TEC: variants seen among roughly 807,000 people sequenced by gnomAD.
The protein encoded by TEC is tyrosine-protein kinase Tec.
Under a neutral mutation model 93.0 loss-of-function variants are expected in TEC, and 72 were observed. The ratio of observed to expected loss-of-function variants is 0.77; its 90% CI spans 0.64 to 0.94. TEC has a LOEUF of 0.94. TEC is among the 40% of genes least tolerant of loss of function. The pLI, the probability that TEC is intolerant of heterozygous loss-of-function variation, is 0.00. For synonymous variants in TEC, 249 were observed against 247.7 expected (o/e 1.01, Z -0.05); for missense variants, 630 against 757.9 (o/e 0.83, Z 1.98).
intron 9 of TEC, chr4:48,153,596 TACTG>T (rs1720268922): frequency 6.6e-6 from 1 of 152,200 alleles, no homozygotes; most frequent in African/African-American, 2.4e-5. Context: ...ATTTATATTC[TACTG>T]CTCAAAGTCA....
intron 1 of TEC, among the ~76,000 whole-genome samples, chr4:48,251,409 C>A (rs1269737347): frequency 2.0e-5 from 3 of 152,188 alleles, no homozygotes; most frequent in Non-Finnish European, 2.9e-5. Flanking sequence ...AAAAGACCTT[C>A]CTTTGACTAC....
intron 2 of TEC, among the ~76,000 whole-genome samples, chr4:48,184,927 G>A (rs1208548749): frequency 1.3e-5 from 2 of 152,060 alleles, no homozygotes; most frequent in African/African-American, 2.4e-5. Context: ...ATTCCCTCAC[G>A]ACAATTTGTA....
At chr4:48,199,911 A>G (rs1172479430) in intron 2 of TEC, among the ~76,000 whole-genome samples, 1 of 152,116 alleles carries the variant, frequency 6.6e-6, no homozygotes, top group Non-Finnish European at 1.5e-5. Flanking sequence ...CCCCATAACA[A>G]CCCTCTGAAG....
At chr4:48,258,546 A>G (rs886427126) in intron 1 of TEC, among the ~76,000 whole-genome samples, 4 of 152,172 alleles carry the variant, frequency 2.6e-5, no homozygotes, top group African/African-American at 9.7e-5. Flanking sequence ...TCCCTCTTGT[A>G]TGTAATTTAT....
intron 1 of TEC, among the ~76,000 whole-genome samples, chr4:48,255,466 C>T (rs1440189379): frequency 2.6e-5 from 4 of 152,086 alleles, no homozygotes; most frequent in African/African-American, 2.4e-5. Flanking sequence ...TCAACTCCAC[C>T]CAAACCACAT....
At chr4:48,262,500 A>AT (rs1694332132) in intron 1 of TEC, among the ~76,000 whole-genome samples, 1 of 151,930 alleles carries the variant, frequency 6.6e-6, no homozygotes, top group East Asian at 1.9e-4. Context: ...CTTGGCCCAA[A>AT]TATCATTTTT....
chr4:48,186,724 G>A (rs1428326473), intron 2 of TEC, among the ~76,000 whole-genome samples: 1 of 151,700 alleles, frequency 6.6e-6, no homozygotes, highest in Non-Finnish European at 1.5e-5. Flanking sequence ...GGAGGTGGGG[G>A]GCAGCCCCCG....
intron 1 of TEC, among the ~76,000 whole-genome samples, chr4:48,254,129 C>T (rs767385521): frequency 5.9e-5 from 9 of 152,136 alleles, no homozygotes; most frequent in Non-Finnish European, 1.3e-4. Context: ...CCCATTAACC[C>T]CAAGACAACT....
At chr4:48,171,863 C>A (rs4695339) in intron 3 of TEC, among the ~76,000 whole-genome samples, 1 of 152,036 alleles carries the variant, frequency 6.6e-6, no homozygotes, top group Non-Finnish European at 1.5e-5. Context: ...GATTAAGCAC[C>A]GACTACGCCA....
Position 48,137,272 on chromosome 4 carries a change from G to C in TEC, c.*144C>G, listed in dbSNP as rs572492034. 3.2e-6 allele frequency: 2 copies of C among 632,042 alleles called. No homozygotes were observed. The highest frequency in any genetic ancestry group is 4.0e-5 in the South Asian group (2 of 49,584). The allele number at this position is 632,042 out of a possible 1,614,324, so 39.2% of individuals were successfully genotyped here. Reference sequence around the variant, plus strand: ...CTGTCTAGAAGCAAGTCTAGACAGAGGCTGGTCTAGAAGCAAATTATTTAT... The same window carrying C: ...CTGTCTAGAAGCAAGTCTAGACAGACGCTGGTCTAGAAGCAAATTATTTAT... On this transcript the variant is annotated 3_prime_UTR_variant, in exon 18 of 18. Coordinates refer to ENST00000381501, the MANE Select transcript of TEC (RefSeq NM_003215.3).
At chr4:48,224,685 C>T (rs184435876) in intron 2 of TEC, among the ~76,000 whole-genome samples, 15 of 152,228 alleles carry the variant, frequency 9.9e-5, no homozygotes, top group Admixed American at 2.6e-4. Flanking sequence ...GGACCCACAG[C>T]GGAAACTGAA....
At chr4:48,263,340 G>A (rs1310112427) in intron 1 of TEC, among the ~76,000 whole-genome samples, 1 of 152,206 alleles carries the variant, frequency 6.6e-6, no homozygotes, top group African/African-American at 2.4e-5. Flanking sequence ...GGACTTAATA[G>A]AAGCTGCACT....
chr4:48,241,323 G>A (rs1385776538), intron 1 of TEC, among the ~76,000 whole-genome samples: 1 of 152,050 alleles, frequency 6.6e-6, no homozygotes. Context: ...ATACAGTATA[G>A]TAGAAATGTC....
chr4:48,253,480 C>A (rs1038686541), intron 1 of TEC, among the ~76,000 whole-genome samples: 3 of 152,076 alleles, frequency 2.0e-5, no homozygotes, highest in Admixed American at 2.0e-4. Context: ...TCATCCTGCC[C>A]CTCTTCTTTT....
rs1314042561 is a variant in TEC at position 48,236,371 on chromosome 4, T to A, written c.-45-7712A>T. 7.2e-5 allele frequency among the ~76,000 whole-genome samples: 11 copies of A among 151,774 alleles called. No homozygotes were observed. In the East Asian group the frequency reaches 2.1e-3, roughly 30 times the overall value. ...ATCTCGGCTCATGGCAAGCTCCACC[T>A]CCCGGGTTCACGCCATTCTCCTGCC... On this transcript the variant is annotated intron_variant, in intron 1 of 17. Transcript: ENST00000381501.
chr4:48,266,824 G>A (rs1724648109), intron 1 of TEC, among the ~76,000 whole-genome samples: 1 of 138,500 alleles, frequency 7.2e-6, no homozygotes, highest in Non-Finnish European at 1.6e-5. Flanking sequence ...GGCAACAAGA[G>A]CAAAACTCTG....
intron 8 of TEC, among the ~76,000 whole-genome samples, chr4:48,160,168 T>C (rs982349919): frequency 1.3e-5 from 2 of 152,114 alleles, no homozygotes; most frequent in African/African-American, 4.8e-5. Context: ...GCAAAATATA[T>C]CTCAAGGGCA....
At chr4:48,186,067 C>G (rs948020352) in intron 2 of TEC, among the ~76,000 whole-genome samples, 70 of 152,338 alleles carry the variant, frequency 4.6e-4, no homozygotes, top group Admixed American at 6.5e-4. Flanking sequence ...CCATGTTGGC[C>G]GGGCTGGTCT....
rs71654901 is a variant in TEC, at chr4:48,230,075, C to CAATAATAAT, written c.-45-1425_-45-1417dup. ...GGGCAACGAGAGCGAAACTCCGTCT[C>CAATAATAAT]AATAATAATAATAATAATAATAATA... On this transcript the variant is annotated intron_variant, in intron 1 of 17. Coordinates refer to ENST00000381501, the MANE Select transcript of TEC (RefSeq NM_003215.3). 8.2e-5 allele frequency among the ~76,000 whole-genome samples: 12 copies of CAATAATAAT among 147,020 alleles called. No individual in the cohort carries two copies. The South Asian group carries it at 1.1e-3, about 13-fold the overall frequency.
Sources: allele counts gnomAD v4.1 joint callset (sites outside exome capture counted in the v4.1 genomes callset), GRCh38; gene constraint gnomAD v4.1.1; transcripts MANE v1.5; gene names NCBI Gene and HGNC (gene_info 2026-07-23, HGNC 2026-07-21).